MTCL3: variants seen among roughly 807,000 people sequenced by gnomAD.
MTCL3 encodes the protein microtubule cross-linking factor 3.
At chr6:127,502,888 T>C in the MTCL3 span, among the ~76,000 whole-genome samples, 1 of 152,186 alleles carries the variant, frequency 6.6e-6, no homozygotes, top group East Asian at 1.9e-4. Flanking sequence ...AGCTATTACA[T>C]TTGTAAAAAG....
the MTCL3 span, chr6:127,512,881 A>G: frequency 1.9e-6 from 3 of 1,606,170 alleles, no homozygotes; most frequent in South Asian, 3.3e-5. Flanking sequence ...TGAAATAATC[A>G]AATACTAACC....
chr6:127,497,551 T>C, the MTCL3 span, among the ~76,000 whole-genome samples: 1 of 152,242 alleles, frequency 6.6e-6, no homozygotes, highest in South Asian at 2.1e-4. Context: ...ACCTGAGTGC[T>C]GCAGTAGCAG....
At chr6:127,490,291 A>G in the MTCL3 span, among the ~76,000 whole-genome samples, 51 of 152,334 alleles carry the variant, frequency 3.3e-4, no homozygotes, top group South Asian at 0.01. Flanking sequence ...CACTTGGTCA[A>G]ACAGGAGCTC....
At chr6:127,507,860 A>AGG in the MTCL3 span, among the ~76,000 whole-genome samples, 2 of 149,730 alleles carry the variant, frequency 1.3e-5, no homozygotes, top group African/African-American at 4.9e-5. Context: ...AAAAAAAAAA[A>AGG]AAAAAAAAAA....
the MTCL3 span, chr6:127,513,129 A>AT: frequency 3.1e-6 from 4 of 1,274,348 alleles, no homozygotes; most frequent in African/African-American, 6.0e-5. Flanking sequence ...TATTGAAAGC[A>AT]TTAAAACCCA....
the MTCL3 span, among the ~76,000 whole-genome samples, chr6:127,493,830 TAAA>T: frequency 1.3e-5 from 2 of 152,234 alleles, no homozygotes; most frequent in South Asian, 4.1e-4. Context: ...TTTTTTAAAT[TAAA>T]GAATCCAATA....
the MTCL3 span, among the ~76,000 whole-genome samples, chr6:127,505,649 C>T: frequency 6.6e-6 from 1 of 152,248 alleles, no homozygotes; most frequent in East Asian, 1.9e-4. Context: ...CAAACTTACA[C>T]TTGTACCCCT....
At chr6:127,516,395 G>C in the MTCL3 span, 1 of 1,600,530 alleles carries the variant, frequency 6.2e-7, no homozygotes, top group Non-Finnish European at 8.5e-7. Flanking sequence ...TGCTGCAGCT[G>C]CTGCTGCCGA....
chr6:127,490,638 G>A, the MTCL3 span, among the ~76,000 whole-genome samples: 1 of 151,982 alleles, frequency 6.6e-6, no homozygotes, highest in Non-Finnish European at 1.5e-5. Flanking sequence ...CCAACACGGT[G>A]AAACTCCGTC....
chr6:127,515,128 T>C, the MTCL3 span: 1 of 1,251,440 alleles, frequency 8.0e-7, no homozygotes, highest in South Asian at 1.2e-5. The surrounding 1 kb of genome is among the most constrained non-coding windows in gnomAD (Gnocchi z 4.3). Flanking sequence ...CCCATTCCAA[T>C]TCCAAATTCT....
the MTCL3 span, among the ~76,000 whole-genome samples, chr6:127,488,370 C>T: frequency 6.6e-6 from 1 of 152,216 alleles, no homozygotes; most frequent in Non-Finnish European, 1.5e-5. Flanking sequence ...ATCTCACCAA[C>T]TGACTTGTAT....
the MTCL3 span, chr6:127,515,514 C>T: frequency 2.1e-6 from 3 of 1,452,036 alleles, no homozygotes; most frequent in South Asian, 1.5e-5. The surrounding 1 kb of genome is among the most constrained non-coding windows in gnomAD (Gnocchi z 4.3). Context: ...CCCTCCTCAC[C>T]TTGAGAGTCT....
At chr6:127,514,875 T>G in the MTCL3 span, 1 of 1,614,104 alleles carries the variant, frequency 6.2e-7, no homozygotes, top group Non-Finnish European at 8.5e-7. Flanking sequence ...TTCCCCGGTC[T>G]GGGCGTAGCG....
At chr6:127,487,680 G>C in the MTCL3 span, among the ~76,000 whole-genome samples, 1 of 152,140 alleles carries the variant, frequency 6.6e-6, no homozygotes, top group Non-Finnish European at 1.5e-5. Context: ...GGGTGAGGCA[G>C]GATCCCAAGC....
the MTCL3 span, among the ~76,000 whole-genome samples, chr6:127,498,263 T>A: frequency 2.0e-5 from 3 of 152,124 alleles, no homozygotes; most frequent in Admixed American, 2.0e-4. Context: ...GAAAACCCAA[T>A]TAAAAATAGG....
At chr6:127,500,532 C>A in the MTCL3 span, among the ~76,000 whole-genome samples, 1 of 151,494 alleles carries the variant, frequency 6.6e-6, no homozygotes, top group African/African-American at 2.4e-5. Context: ...TTTTTTTTAA[C>A]TTTTATTTTA....
At chr6:127,476,132 TGGCCGAGCCGTTGAAGTCATCGCC>T in the MTCL3 span, 1 of 1,614,198 alleles carries the variant, frequency 6.2e-7, no homozygotes. The surrounding 1 kb of genome is among the most constrained non-coding windows in gnomAD (Gnocchi z 4.4). Context: ...ATGAGCGGGT[TGGCCGAGCCGTTGAAGTCATCGCC>T]CCTAAGGTCG....
At chr6:127,486,346 T>C in the MTCL3 span, among the ~76,000 whole-genome samples, 1 of 152,222 alleles carries the variant, frequency 6.6e-6, no homozygotes, top group East Asian at 1.9e-4. Flanking sequence ...AAATATTTCA[T>C]ATTTTCATAT....
the MTCL3 span, among the ~76,000 whole-genome samples, chr6:127,480,301 G>A: frequency 6.6e-6 from 1 of 152,258 alleles, no homozygotes; most frequent in Admixed American, 6.5e-5. Context: ...AATAAGTAAT[G>A]GGCCCAAGTT....
Sources: gnomAD v4.1 joint callset for allele counts (sites outside exome capture counted in the v4.1 genomes callset) on GRCh38, gnomAD v4.1.1 for gene constraint, Gnocchi (gnomAD v3.1) non-coding constraint, MANE v1.5 for transcripts, NCBI Gene and HGNC (gene_info 2026-07-23, HGNC 2026-07-21) for gene names.